Variants in MED13L observed in about 807,000 individuals in gnomAD.
MED13L encodes mediator complex subunit 13L.
Under a neutral mutation model 220.9 loss-of-function variants are expected in MED13L, and 7 were observed. That is an observed-to-expected ratio of 0.03 (90% confidence interval 0.02 to 0.06). MED13L has a LOEUF of 0.06. Among genes scored for constraint, MED13L ranks in the 10% least tolerant of loss-of-function variants. MED13L has a pLI of 1.00. For missense variants in MED13L, 1,965 were observed against 2,760.5 expected (o/e 0.71, Z 6.46); for synonymous variants, 1,011 against 1,015.2 (o/e 1.00, Z 0.08).
intron 4 of MED13L, among the ~76,000 whole-genome samples, chr12:116,044,342 T>A (rs940969062): frequency 1.3e-5 from 2 of 152,230 alleles, no homozygotes; most frequent in African/African-American, 4.8e-5. Flanking sequence ...ATAACCCGAA[T>A]GTATTGCTGA....
chr12:115,984,125 C>G, intron 20 of MED13L, 55 bp downstream of exon 20: 1 of 1,547,288 alleles, frequency 6.5e-7, no homozygotes, highest in Non-Finnish European at 8.9e-7. Flanking sequence ...AGGGATGGGA[C>G]GGATTTGCTA....
At chr12:116,156,921 T>G (rs1878488073) in intron 2 of MED13L, among the ~76,000 whole-genome samples, 1 of 152,108 alleles carries the variant, frequency 6.6e-6, no homozygotes. Flanking sequence ...AAAGAGCAAC[T>G]AGACAGAAGG....
At chr12:116,194,118 T>TA (rs1043343818) in intron 2 of MED13L, among the ~76,000 whole-genome samples, 15 of 152,228 alleles carry the variant, frequency 9.9e-5, no homozygotes, top group African/African-American at 2.9e-4. Flanking sequence ...GAAGGGTATT[T>TA]AAAAAAACAA....
intron 22 of MED13L, among the ~76,000 whole-genome samples, chr12:115,981,364 A>G (rs1877316831): frequency 1.3e-5 from 2 of 152,252 alleles, no homozygotes. Context: ...GAAAACTATC[A>G]GCAATGTACT....
chr12:116,008,261 A>AT, intron 10 of MED13L, 140 bp downstream of exon 10: 1 of 1,206,348 alleles, frequency 8.3e-7, no homozygotes, highest in Non-Finnish European at 1.1e-6. Context: ...TTTGACCATT[A>AT]AACATTTTCC....
intron 4 of MED13L, among the ~76,000 whole-genome samples, chr12:116,060,191 C>T (rs1314162088): frequency 6.6e-6 from 1 of 152,000 alleles, no homozygotes; most frequent in Non-Finnish European, 1.5e-5. Flanking sequence ...TTCTCTGGAT[C>T]ATTAAAACTG....
chr12:116,212,316 A>T (rs890672231), intron 2 of MED13L, among the ~76,000 whole-genome samples: 1 of 152,222 alleles, frequency 6.6e-6, no homozygotes, highest in African/African-American at 2.4e-5. Flanking sequence ...GTTAACTATT[A>T]AAAATGATAA....
At chr12:116,081,198 A>G (rs2137736483) in intron 4 of MED13L, among the ~76,000 whole-genome samples, 1 of 152,328 alleles carries the variant, frequency 6.6e-6, no homozygotes, top group Admixed American at 6.5e-5. Context: ...TCTTTTATAC[A>G]TTTCCTATAA....
intron 3 of MED13L, among the ~76,000 whole-genome samples, chr12:116,103,909 G>A (rs926487507): frequency 6.7e-6 from 1 of 150,160 alleles, no homozygotes; most frequent in Non-Finnish European, 1.5e-5. Flanking sequence ...GTTACATCAC[G>A]ATTTCTTCAA....
chr12:116,164,536 G>A (rs1485863205), intron 2 of MED13L, among the ~76,000 whole-genome samples: 4 of 152,160 alleles, frequency 2.6e-5, no homozygotes, highest in African/African-American at 7.2e-5. Context: ...AAAACCAGAC[G>A]CTTTAAACAG....
intron 4 of MED13L, among the ~76,000 whole-genome samples, chr12:116,060,576 A>AG (rs1273054378): frequency 4.5e-4 from 67 of 149,452 alleles, no homozygotes; most frequent in Middle Eastern, 3.5e-3. Flanking sequence ...CAAGACTCCA[A>AG]GGGAAAAAAA....
rs1873881026 is a variant in MED13L at position 116,276,733 on chromosome 12, G to A, written c.72+327C>T. 7 of 1,266,762 alleles carry A rather than the reference G, an allele frequency of 5.5e-6. No individual in the cohort carries two copies. The South Asian group carries it at 1.1e-4, about 20-fold the overall frequency. 78.5% of individuals were successfully genotyped at this position (1,266,762 alleles called of 1,614,324 possible). A position where few individuals can be genotyped will look rare whatever the true frequency, so the allele number is the denominator to read the frequency against. ...TACGGGGGGAAAAAAAGGGGGGAAAGGGGAGGAGAAGGGGAGTGCGATTGC... is the reference window on the plus strand; with the variant it reads ...TACGGGGGGAAAAAAAGGGGGGAAAAGGGAGGAGAAGGGGAGTGCGATTGC... On this transcript the variant is annotated intron_variant, in intron 1 of 30. Coordinates refer to ENST00000281928, the MANE Select transcript of MED13L (RefSeq NM_015335.5).
chr12:116,256,773 C>T (rs949501994), intron 1 of MED13L, among the ~76,000 whole-genome samples: 1 of 148,264 alleles, frequency 6.7e-6, no homozygotes, highest in Non-Finnish European at 1.5e-5. Flanking sequence ...GCAACCTCCA[C>T]CTCCCAGGTT....
In MED13L at chr12:115,996,509, G is replaced by T; in HGVS notation, c.2963C>A (p.Pro988His). Reference protein sequence around the residue: ...IPPKIEQLPMPPAATFIRDGY... With the variant: ...IPPKIEQLPMHPAATFIRDGY... ...ATCTCTAATGAAAGTGGCTGCAGGG[G>T]GCATGGGCAGTTGTTCAATTTTAGG... The change falls in exon 16 of 31, where the codon CCC (proline) becomes CAC (histidine). Residue 988 changes from proline (P) to histidine (H), a missense_variant. Physicochemically the swap from Pro to His is moderately conservative, Grantham distance 77 (BLOSUM62 -2). Around this residue, in one of 10 missense-constraint regions of MED13L, gnomAD observed 233 missense variants for 306.2 expected, o/e 0.76. Transcript: ENST00000281928. 6.2e-7 allele frequency: 1 copy of T among 1,614,182 alleles called. No homozygotes were observed. Among genetic ancestry groups the T allele is most frequent in the Non-Finnish European group, 8.5e-7 (1 of 1,180,002 alleles).
chr12:115,966,571 G>C (rs1218668006), intron 28 of MED13L, among the ~76,000 whole-genome samples: 3 of 152,164 alleles, frequency 2.0e-5, no homozygotes, highest in African/African-American at 4.8e-5. Context: ...ACAGCAGAAG[G>C]CTCTACCACA....
At chr12:116,097,335 G>A (rs771868912) in intron 3 of MED13L, among the ~76,000 whole-genome samples, 10 of 151,992 alleles carry the variant, frequency 6.6e-5, no homozygotes, top group African/African-American at 1.7e-4. Flanking sequence ...TAATAGAGAC[G>A]GGGTCTCACC....
intron 5 of MED13L, among the ~76,000 whole-genome samples, chr12:116,021,327 C>T (rs1436078408): frequency 6.6e-6 from 1 of 152,058 alleles, no homozygotes; most frequent in Non-Finnish European, 1.5e-5. Flanking sequence ...CTGTTATTAC[C>T]ATAACTAAAT....
intron 4 of MED13L, among the ~76,000 whole-genome samples, chr12:116,085,553 G>A (rs1000302741): frequency 3.3e-5 from 5 of 152,096 alleles, no homozygotes; most frequent in Non-Finnish European, 7.4e-5. Context: ...CAAAGGAAAA[G>A]TATGTCCTAT....
chr12:116,070,133 T>C (rs560010324), intron 4 of MED13L, among the ~76,000 whole-genome samples: 4 of 152,294 alleles, frequency 2.6e-5, no homozygotes, highest in Non-Finnish European at 4.4e-5. Flanking sequence ...ATAGATAAAG[T>C]AGCTGCCAGG....
Sources: allele counts gnomAD v4.1 joint callset (sites outside exome capture counted in the v4.1 genomes callset), GRCh38; gene constraint gnomAD v4.1.1; regional missense constraint gnomAD v4.1.1; transcripts MANE v1.5; gene names NCBI Gene and HGNC (gene_info 2026-07-23, HGNC 2026-07-21).